Variants in PHKB observed in about 807,000 individuals in gnomAD.
The protein encoded by PHKB is phosphorylase kinase regulatory subunit beta, also known as phosphorylase b kinase regulatory subunit beta.
In PHKB, 122 loss-of-function variants were observed where a neutral mutation model predicts 152.1. That is an observed-to-expected ratio of 0.80 (90% CI 0.69 to 0.93). The LOEUF (loss-of-function observed/expected upper bound fraction) is 0.93, where lower values mean the gene tolerates loss of function less well. Ranked by LOEUF, PHKB falls within the 40% of genes least tolerant of loss-of-function variation. The pLI, the probability that PHKB is intolerant of heterozygous loss-of-function variation, is 0.00. For missense variants in PHKB, 1,304 were observed against 1,328.4 expected (o/e 0.98, Z 0.29); for synonymous variants, 436 against 464.9 (o/e 0.94, Z 0.80).
chr16:47,531,348 A>G (rs1470550450), intron 6 of PHKB, among the ~76,000 whole-genome samples: 6 of 152,190 alleles, frequency 3.9e-5, no homozygotes, highest in East Asian at 1.9e-4. Context: ...AGGGTGTTCA[A>G]ACTTTTTGAT....
At chr16:47,616,636 T>C (rs1317596446) in intron 14 of PHKB, among the ~76,000 whole-genome samples, 1 of 146,156 alleles carries the variant, frequency 6.8e-6, no homozygotes, top group Non-Finnish European at 1.5e-5. Context: ...TAATATATGA[T>C]ATTTTACATA....
At chr16:47,465,597 A>T (rs990457694) in intron 1 of PHKB, among the ~76,000 whole-genome samples, 1 of 152,224 alleles carries the variant, frequency 6.6e-6, no homozygotes, top group Admixed American at 6.5e-5. Context: ...TTGGGAGTTC[A>T]TCTAACCAAA....
At chr16:47,587,222 T>C (rs1278052524) in intron 8 of PHKB, among the ~76,000 whole-genome samples, 2 of 152,228 alleles carry the variant, frequency 1.3e-5, no homozygotes, top group African/African-American at 2.4e-5. Flanking sequence ...CTTCATATTT[T>C]AATCCAGTAT....
intron 1 of PHKB, among the ~76,000 whole-genome samples, chr16:47,482,298 G>A (rs1256911045): frequency 1.3e-5 from 2 of 152,216 alleles, no homozygotes; most frequent in Non-Finnish European, 2.9e-5. Context: ...TGTTTCTATT[G>A]GAAGAAAATT....
At chr16:47,672,289 T>G (rs2142082483) in intron 26 of PHKB, among the ~76,000 whole-genome samples, 1 of 152,298 alleles carries the variant, frequency 6.6e-6, no homozygotes, top group South Asian at 2.1e-4. Flanking sequence ...ATAAGAACTT[T>G]GAGTTATATC....
At chr16:47,472,020 C>G (rs1157473569) in intron 1 of PHKB, among the ~76,000 whole-genome samples, 1 of 152,184 alleles carries the variant, frequency 6.6e-6, no homozygotes, top group Non-Finnish European at 1.5e-5. Context: ...TGCACCACTG[C>G]ACTCCAGCCT....
chr16:47,471,222 T>C (rs919791257), intron 1 of PHKB, among the ~76,000 whole-genome samples: 2 of 152,124 alleles, frequency 1.3e-5, no homozygotes, highest in African/African-American at 4.8e-5. Context: ...ATCCTGGGGC[T>C]AGATAGAGCT....
At chr16:47,528,439 A>G (rs1207555715) in intron 6 of PHKB, among the ~76,000 whole-genome samples, 1 of 152,230 alleles carries the variant, frequency 6.6e-6, no homozygotes, top group East Asian at 1.9e-4. Flanking sequence ...AGGAAGATAT[A>G]ACTCCTGCCT....
At chr16:47,552,741 C>A (rs961996371) in intron 7 of PHKB, among the ~76,000 whole-genome samples, 1 of 151,588 alleles carries the variant, frequency 6.6e-6, no homozygotes, top group Non-Finnish European at 1.5e-5. Flanking sequence ...CCATTGAAAT[C>A]AAGAGGCAGA....
intron 14 of PHKB, among the ~76,000 whole-genome samples, chr16:47,623,634 ATC>A (rs1034977687): frequency 6.7e-6 from 1 of 148,644 alleles, no homozygotes; most frequent in Non-Finnish European, 1.5e-5. Context: ...GCTCACTGGA[ATC>A]TCTGCCTCCC....
At chr16:47,466,688 C>A (rs1969674443) in intron 1 of PHKB, among the ~76,000 whole-genome samples, 1 of 152,074 alleles carries the variant, frequency 6.6e-6, no homozygotes, top group South Asian at 2.1e-4. Context: ...ATGGGCAAAT[C>A]AGTACCTGTT....
chr16:47,610,526 T>TAGTATGTTTCTAC (rs1972407754), intron 13 of PHKB, among the ~76,000 whole-genome samples: 1 of 152,178 alleles, frequency 6.6e-6, no homozygotes, highest in Admixed American at 6.5e-5. Context: ...GACCCATTAG[T>TAGTATGTTTCTAC]TATTTAGTAG....
At chr16:47,500,905 A>G (rs779318818) in intron 3 of PHKB, among the ~76,000 whole-genome samples, 2 of 152,248 alleles carry the variant, frequency 1.3e-5, no homozygotes, top group African/African-American at 4.8e-5. Flanking sequence ...TATCTTCCAC[A>G]TGAACACGAT....
At chr16:47,463,822 A>C in intron 1 of PHKB, 2 of 965,870 alleles carry the variant, frequency 2.1e-6, no homozygotes, top group South Asian at 2.7e-5. Context: ...TCATGTTAAT[A>C]ACTGCTCACA....
In PHKB at chr16:47,689,807, T is replaced by C. The variant is rs183654309; in HGVS notation, c.2765+632T>C. Among the ~76,000 whole-genome samples the C allele has an allele frequency of 3.3e-5, 5 of 152,358 alleles. No homozygotes were observed. The East Asian group carries it at 9.6e-4, about 29-fold the overall frequency. On this transcript the variant is annotated intron_variant, in intron 27 of 30. Coordinates refer to ENST00000323584, the MANE Select transcript of PHKB (RefSeq NM_000293.3). ...ATCTGCCTAGGCCTTTTACAAAAGC[T>C]GTCTTCCACAAAAGGAAATTTGAAT...
intron 6 of PHKB, among the ~76,000 whole-genome samples, chr16:47,543,798 G>A (rs1039225005): frequency 4.6e-5 from 7 of 152,112 alleles, no homozygotes; most frequent in African/African-American, 1.7e-4. Flanking sequence ...AGAGGTGTTT[G>A]TAGTATTCTC....
At chr16:47,693,656 A>G (rs1974101908) in intron 28 of PHKB, 149 bp downstream of exon 28, 6 of 928,768 alleles carry the variant, frequency 6.5e-6, no homozygotes, top group Non-Finnish European at 9.8e-6. Flanking sequence ...TAAGACATCT[A>G]ATCAATTGGA....
At chr16:47,566,665 C>T (rs1307609343) in intron 7 of PHKB, 1 of 892,826 alleles carries the variant, frequency 1.1e-6, no homozygotes, top group Non-Finnish European at 1.9e-6. Flanking sequence ...CAAGCAGCCC[C>T]TGGAGCAGTG....
At chr16:47,510,506 C>T (rs559401724) in intron 4 of PHKB, among the ~76,000 whole-genome samples, 24 of 152,212 alleles carry the variant, frequency 1.6e-4, no homozygotes, top group African/African-American at 3.9e-4. Flanking sequence ...TCAGGAAATT[C>T]GAAGGGTTCT....
Sources: gnomAD v4.1 joint callset for allele counts (sites outside exome capture counted in the v4.1 genomes callset) on GRCh38, gnomAD v4.1.1 for gene constraint, MANE v1.5 for transcripts, NCBI Gene and HGNC (gene_info 2026-07-23, HGNC 2026-07-21) for gene names.